The following BCL2 variants were observed in gnomAD, a reference collection of about 807,000 sequenced individuals.
BCL2 encodes the protein apoptosis regulator Bcl-2.
In BCL2, 1 loss-of-function variant was observed where a neutral mutation model predicts 14.2. The ratio of observed to expected loss-of-function variants is 0.07; its 90% CI spans 0.02 to 0.33. The LOEUF (loss-of-function observed/expected upper bound fraction) is 0.33. Ranked by LOEUF, BCL2 falls within the 10% of genes least tolerant of loss-of-function variation. The pLI is 0.99. For missense variants in BCL2, 247 were observed against 305.9 expected (o/e 0.81, Z 1.44); for synonymous variants, 151 against 137.2 (o/e 1.10, Z -0.70).
intron 2 of BCL2, among the ~76,000 whole-genome samples, chr18:63,221,779 C>T (rs771992815): frequency 1.3e-5 from 2 of 152,194 alleles, no homozygotes; most frequent in Non-Finnish European, 2.9e-5. Flanking sequence ...CTCAGGACAC[C>T]TTTGGGAAAT....
chr18:63,199,128 C>T (rs1224218709), intron 2 of BCL2, among the ~76,000 whole-genome samples: 3 of 149,946 alleles, frequency 2.0e-5, no homozygotes, highest in Admixed American at 1.3e-4. Context: ...GACCCATGTA[C>T]AGGCACAGAC....
intron 2 of BCL2, chr18:63,302,169 A>C (rs1192894901): frequency 9.2e-6 from 2 of 217,626 alleles, no homozygotes; most frequent in Non-Finnish European, 1.6e-5. Flanking sequence ...CTCTACTAAA[A>C]AAAATACAAA....
intron 2 of BCL2, among the ~76,000 whole-genome samples, chr18:63,182,539 G>T (rs1599229890): frequency 6.6e-6 from 1 of 152,336 alleles, no homozygotes; most frequent in East Asian, 1.9e-4. Context: ...CTGCTCCCTT[G>T]AGACCGGGGG....
chr18:63,190,172 T>A (rs1488212808), intron 2 of BCL2, among the ~76,000 whole-genome samples: 1 of 152,076 alleles, frequency 6.6e-6, no homozygotes, highest in Non-Finnish European at 1.5e-5. Flanking sequence ...TGAAAAAGGG[T>A]AATTTCCCAT....
At position 63,213,963 on chromosome 18, in the gene BCL2, G is replaced by T. The variant is rs73473326; in HGVS notation, c.586-85204C>A. Among the ~76,000 whole-genome samples, 903 of 152,270 alleles carry T rather than the reference G, an allele frequency of 5.9e-3. 11 individuals are homozygous for T. The highest frequency in any genetic ancestry group is 0.02 in the African/African-American group (851 of 41,540). Reference sequence around the variant, plus strand: ...GCTGGGAGAAGCACTCTGTCAAATAGAAAGCCTATCCACAGAAAACTTAGG... The same window carrying T: ...GCTGGGAGAAGCACTCTGTCAAATATAAAGCCTATCCACAGAAAACTTAGG... On this transcript the variant is annotated intron_variant, in intron 2 of 2. Transcript: ENST00000333681.
At chr18:63,151,249 A>G (rs1234213815) in intron 2 of BCL2, 2 of 152,074 alleles carry the variant, frequency 1.3e-5, no homozygotes, top group African/African-American at 4.8e-5. Context: ...TACCTCCCCT[A>G]ACACCAATCT....
intron 2 of BCL2, among the ~76,000 whole-genome samples, chr18:63,131,462 CT>C (rs1173230695): frequency 6.6e-6 from 1 of 152,222 alleles, no homozygotes; most frequent in Non-Finnish European, 1.5e-5. Flanking sequence ...ATGCACACCC[CT>C]CTCCATATAA....
chr18:63,306,795 A>G lies in BCL2; in HGVS notation c.585+11287T>C, dbSNP rs561528710. On this transcript the variant is annotated intron_variant, in intron 2 of 2. Coordinates refer to ENST00000333681, the MANE Select transcript of BCL2 (RefSeq NM_000633.3). ...CCATGGCAGGCTTTGAATACAGCCC[A>G]ACACACATTTGTAAACTTTCTTAAA... is the stretch of plus-strand genomic sequence containing the variant. Among the ~76,000 whole-genome samples, 78 of 151,828 alleles carry G rather than the reference A, an allele frequency of 5.1e-4. 1 individual carries two copies. Among genetic ancestry groups the G allele is most frequent in the Middle Eastern group, 6.9e-3 (2 of 288 alleles).
At chr18:63,194,018 T>A (rs941619628) in intron 2 of BCL2, among the ~76,000 whole-genome samples, 1 of 152,230 alleles carries the variant, frequency 6.6e-6, no homozygotes, top group Non-Finnish European at 1.5e-5. Context: ...TCAATACATA[T>A]GAGTTCCCTT....
intron 2 of BCL2, among the ~76,000 whole-genome samples, chr18:63,211,483 T>TTTA (rs1375561306): frequency 2.0e-5 from 3 of 152,184 alleles, no homozygotes; most frequent in African/African-American, 7.2e-5. Context: ...GTGACATTTT[T>TTTA]TTATTTGCAG....
chr18:63,231,277 T>C (rs1910680179), intron 2 of BCL2, among the ~76,000 whole-genome samples: 1 of 151,888 alleles, frequency 6.6e-6, no homozygotes, highest in Admixed American at 6.5e-5. Flanking sequence ...TTTAGGAACA[T>C]TTCCTTTAAA....
chr18:63,307,948 C>G (rs1913191840), intron 2 of BCL2, among the ~76,000 whole-genome samples: 1 of 152,206 alleles, frequency 6.6e-6, no homozygotes, highest in African/African-American at 2.4e-5. Flanking sequence ...AGCTTCACTA[C>G]AAGTAAACAA....
chr18:63,241,742 G>C (rs1911006987), intron 2 of BCL2, among the ~76,000 whole-genome samples: 1 of 152,224 alleles, frequency 6.6e-6, no homozygotes, highest in Non-Finnish European at 1.5e-5. Context: ...ACACAGAAAA[G>C]TCAAGAGTAA....
At chr18:63,174,660 A>G (rs1336027916) in intron 2 of BCL2, among the ~76,000 whole-genome samples, 6 of 152,024 alleles carry the variant, frequency 3.9e-5, no homozygotes, top group African/African-American at 1.5e-4. Flanking sequence ...TCTCTACTAA[A>G]AATACCAAAA....
rs180831254 is a variant in BCL2 at position 63,213,876 on chromosome 18, C to T, written c.586-85117G>A. Among the ~76,000 whole-genome samples, 18 of 152,180 alleles carry T rather than the reference C, an allele frequency of 1.2e-4. No homozygotes were observed. In the East Asian group the frequency reaches 3.3e-3, roughly 28 times the overall value. On this transcript the variant is annotated intron_variant, in intron 2 of 2. Transcript: ENST00000333681. ...GGCCCACCTCAACGCACAAGGAAGC[C>T]CCAGGCCCTCAGGGACCTCTAGGTC...
chr18:63,225,037 T>C (rs973661576), intron 2 of BCL2, among the ~76,000 whole-genome samples: 1 of 151,852 alleles, frequency 6.6e-6, no homozygotes, highest in Non-Finnish European at 1.5e-5. Context: ...CCAGCAGAGA[T>C]ATCACCAAGA....
At chr18:63,234,995 C>T (rs990881150) in intron 2 of BCL2, among the ~76,000 whole-genome samples, 10 of 151,944 alleles carry the variant, frequency 6.6e-5, no homozygotes, top group South Asian at 6.2e-4. Flanking sequence ...AAAGAAACAA[C>T]GAACCAATAG....
chr18:63,313,601 A>G (rs1913402700), intron 2 of BCL2, among the ~76,000 whole-genome samples: 1 of 152,230 alleles, frequency 6.6e-6, no homozygotes. Context: ...TTCTAGCACA[A>G]ATGCACTTCT....
At position 63,212,109 on chromosome 18, in the gene BCL2, C is replaced by G. The variant is rs543057069; in HGVS notation, c.586-83350G>C. The stretch of plus-strand genomic sequence containing the variant: ...TTGGGAGGCTGAGGCAGGTGGATCA[C>G]AAGGTCAGGAGTTCGAGACCATCCT... On this transcript the variant is annotated intron_variant, in intron 2 of 2. Coordinates refer to ENST00000333681, the MANE Select transcript of BCL2 (RefSeq NM_000633.3). Among the ~76,000 whole-genome samples the G allele has an allele frequency of 3.9e-5, 6 of 152,036 alleles. No individual in the cohort carries two copies. The South Asian group carries it at 1.2e-3, about 32-fold the overall frequency.
Sources: allele counts gnomAD v4.1 joint callset (sites outside exome capture counted in the v4.1 genomes callset), GRCh38; gene constraint gnomAD v4.1.1; transcripts MANE v1.5; gene names NCBI Gene and HGNC (gene_info 2026-07-23, HGNC 2026-07-21).